The following ARHGEF28 variants were observed in gnomAD, a reference collection of about 807,000 sequenced individuals.
ARHGEF28 encodes 190 kDa guanine nucleotide exchange factor.
In ARHGEF28, 152 loss-of-function variants were observed where a neutral mutation model predicts 206.6. The ratio of observed to expected loss-of-function variants is 0.74; its 90% CI spans 0.64 to 0.84. ARHGEF28 has a LOEUF of 0.84. ARHGEF28 is among the 40% of genes least tolerant of loss of function. The pLI, the probability that ARHGEF28 is intolerant of heterozygous loss-of-function variation, is 0.00. For synonymous variants in ARHGEF28, 763 were observed against 776.4 expected (o/e 0.98, Z 0.29); for missense variants, 2,028 against 2,073.2 (o/e 0.98, Z 0.42).
chr5:73,826,174 C>A (rs1199608238), intron 9 of ARHGEF28, among the ~76,000 whole-genome samples: 1 of 152,148 alleles, frequency 6.6e-6, no homozygotes, highest in African/African-American at 2.4e-5. Context: ...TTAAATACTG[C>A]TGTAGGTCAC....
intron 14 of ARHGEF28, among the ~76,000 whole-genome samples, chr5:73,854,823 C>T (rs1579991525): frequency 6.6e-6 from 1 of 151,288 alleles, no homozygotes; most frequent in African/African-American, 2.4e-5. Context: ...CAGAGCCAGA[C>T]TCCATCTCAA....
intron 2 of ARHGEF28, among the ~76,000 whole-genome samples, chr5:73,707,435 C>T (rs928769268): frequency 6.6e-6 from 1 of 152,166 alleles, no homozygotes; most frequent in South Asian, 2.1e-4. Context: ...AAATGGCATT[C>T]CTATCTCAGT....
chr5:73,923,133 A>G, intron 35 of ARHGEF28: 1 of 1,535,890 alleles, frequency 6.5e-7, no homozygotes. Flanking sequence ...CTCCCCCGGG[A>G]CTGTGGACTG....
At chr5:73,830,560 GAAA>G (rs57559151) in intron 9 of ARHGEF28, among the ~76,000 whole-genome samples, 26 of 127,216 alleles carry the variant, frequency 2.0e-4, no homozygotes, top group African/African-American at 7.0e-4. Context: ...CTCAAAAAAA[GAAA>G]AAAAAAAAAA....
At chr5:73,817,102 G>T (rs573222991) in intron 9 of ARHGEF28, among the ~76,000 whole-genome samples, 53 of 152,296 alleles carry the variant, frequency 3.5e-4, no homozygotes, top group African/African-American at 1.3e-3. Context: ...GCATACTTTA[G>T]TATAAATCAT....
chr5:73,806,309 T>C (rs1261678785), intron 9 of ARHGEF28, among the ~76,000 whole-genome samples: 1 of 134,080 alleles, frequency 7.5e-6, no homozygotes, highest in African/African-American at 2.8e-5. Flanking sequence ...ATAGTATATA[T>C]AGTATATATA....
Position 73,712,998 on chromosome 5 carries a change from C to T in ARHGEF28, c.33+28114C>T, listed in dbSNP as rs189898312. On this transcript the variant is annotated intron_variant, in intron 2 of 35. Coordinates refer to ENST00000513042, the MANE Select transcript of ARHGEF28 (RefSeq NM_001177693.2). ...TTATTCACCATTTATTGTGGTTTCCCCAAATGTAATTATATTTTCTTTCCC... is the reference window on the plus strand; with the variant it reads ...TTATTCACCATTTATTGTGGTTTCCTCAAATGTAATTATATTTTCTTTCCC... Among the ~76,000 whole-genome samples, 6 of 152,160 alleles carry T rather than the reference C, an allele frequency of 3.9e-5. No individual in the cohort carries two copies. The East Asian group carries it at 1.2e-3, about 29-fold the overall frequency.
At chr5:73,718,373 G>C (rs571075587) in intron 2 of ARHGEF28, among the ~76,000 whole-genome samples, 89 of 152,232 alleles carry the variant, frequency 5.8e-4, no homozygotes, top group African/African-American at 2.0e-3. Flanking sequence ...TAAATAATTT[G>C]TTTAGGTCTT....
intron 9 of ARHGEF28, among the ~76,000 whole-genome samples, chr5:73,829,154 C>T (rs542706774): frequency 2.0e-5 from 3 of 152,268 alleles, no homozygotes; most frequent in Admixed American, 1.3e-4. Context: ...ATGGTGAATT[C>T]TTCTAGGAAT....
rs116104513 is a variant in ARHGEF28 at position 73,844,350 on chromosome 5, G to A, written c.1428-1918G>A. Reference sequence around the variant, plus strand: ...TCACAAGTTGAAAGACAAGTGCTGAGGTACAAGACATGGGCAAGCTTCAGC... The same window carrying A: ...TCACAAGTTGAAAGACAAGTGCTGAAGTACAAGACATGGGCAAGCTTCAGC... On this transcript the variant is annotated intron_variant, in intron 11 of 35. Transcript: ENST00000513042. 6.2e-3 allele frequency among the ~76,000 whole-genome samples: 951 copies of A among 152,226 alleles called. 12 individuals carry two copies. The highest frequency in any genetic ancestry group is 0.021 in the African/African-American group (888 of 41,532).
chr5:73,855,852 C>T (rs1758994411), intron 14 of ARHGEF28, among the ~76,000 whole-genome samples: 1 of 151,298 alleles, frequency 6.6e-6, no homozygotes, highest in African/African-American at 2.4e-5. Flanking sequence ...TCTTCTGTAA[C>T]AAGGGAGTTG....
chr5:73,914,015 A>C (rs1390435333), intron 35 of ARHGEF28, among the ~76,000 whole-genome samples: 1 of 152,156 alleles, frequency 6.6e-6, no homozygotes, highest in African/African-American at 2.4e-5. Flanking sequence ...ATTGTATATA[A>C]AAACAATTCT....
chr5:73,815,926 C>A (rs1450118352), intron 9 of ARHGEF28, among the ~76,000 whole-genome samples: 1 of 152,170 alleles, frequency 6.6e-6, no homozygotes, highest in Non-Finnish European at 1.5e-5. Flanking sequence ...CCATGTTTCA[C>A]ACTTGCGTTC....
intron 1 of ARHGEF28, among the ~76,000 whole-genome samples, chr5:73,646,548 G>C (rs1744436863): frequency 6.6e-6 from 1 of 152,274 alleles, no homozygotes; most frequent in East Asian, 1.9e-4. Flanking sequence ...AGAGCTCACT[G>C]TACACATCAT....
Position 73,691,615 on chromosome 5 carries a change from C to G in ARHGEF28, c.33+6731C>G, listed in dbSNP as rs1051943527. Reference sequence around the variant, plus strand: ...CTGCTGTGTGCTAAAGATTGAGAACCATGGACTTAGTGCAAACATTTTCAT... The same window carrying G: ...CTGCTGTGTGCTAAAGATTGAGAACGATGGACTTAGTGCAAACATTTTCAT... On this transcript the variant is annotated intron_variant, in intron 2 of 35. Coordinates refer to ENST00000513042, the MANE Select transcript of ARHGEF28 (RefSeq NM_001177693.2). 6.6e-5 allele frequency among the ~76,000 whole-genome samples: 10 copies of G among 152,282 alleles called. No homozygotes were observed. In the East Asian group the frequency reaches 1.5e-3, roughly 23 times the overall value.
At chr5:73,689,957 T>A (rs1458590156) in intron 2 of ARHGEF28, among the ~76,000 whole-genome samples, 1 of 152,156 alleles carries the variant, frequency 6.6e-6, no homozygotes, top group Non-Finnish European at 1.5e-5. Context: ...GAACCTAAGG[T>A]GTTTATTTTT....
chr5:73,805,017 C>T (rs1360215600), intron 9 of ARHGEF28, among the ~76,000 whole-genome samples: 1 of 152,020 alleles, frequency 6.6e-6, no homozygotes, highest in East Asian at 1.9e-4. Flanking sequence ...TTGTCTGTTC[C>T]CCCCATTACT....
intron 14 of ARHGEF28, among the ~76,000 whole-genome samples, chr5:73,856,664 T>G (rs1759059381): frequency 1.3e-5 from 2 of 152,120 alleles, no homozygotes; most frequent in South Asian, 4.2e-4. Context: ...GAAAGCAATA[T>G]TTTCACAAAA....
chr5:73,736,685 G>T (rs1186403028), intron 2 of ARHGEF28, among the ~76,000 whole-genome samples: 1 of 152,120 alleles, frequency 6.6e-6, no homozygotes, highest in Non-Finnish European at 1.5e-5. Context: ...TATTTAATGT[G>T]AGTTAATACA....
Sources: allele counts gnomAD v4.1 joint callset (sites outside exome capture counted in the v4.1 genomes callset), GRCh38; gene constraint gnomAD v4.1.1; transcripts MANE v1.5; gene names NCBI Gene and HGNC (gene_info 2026-07-23, HGNC 2026-07-21).